The following SNX25 variants were observed in gnomAD, a reference collection of about 807,000 sequenced individuals.
The protein encoded by SNX25 is sorting nexin 25.
In SNX25, 62 loss-of-function variants were observed where a neutral mutation model predicts 113.7. The ratio of observed to expected loss-of-function variants is 0.55; its 90% CI spans 0.44 to 0.67. The LOEUF (loss-of-function observed/expected upper bound fraction) is 0.67, where lower values mean the gene tolerates loss of function less well. SNX25 is among the 30% of genes least tolerant of loss of function. The probability of loss-of-function intolerance (pLI) is 0.00; values close to 1 mark genes in which losing one functional copy is unlikely to be tolerated. For synonymous variants in SNX25, 421 were observed against 436.2 expected, an observed-to-expected ratio of 0.97 and a Z score of 0.43; for missense variants, 1,014 against 1,161.0, an observed-to-expected ratio of 0.87 and a Z score of 1.84.
chr4:185,279,579 G>A (rs531904200), intron 5 of SNX25, among the ~76,000 whole-genome samples: 7 of 152,186 alleles, frequency 4.6e-5, no homozygotes, highest in Middle Eastern at 3.4e-3. Flanking sequence ...AAAATATAGC[G>A]CAAAACCTTG....
chr4:185,309,750 C>G (rs1754985176), intron 6 of SNX25, among the ~76,000 whole-genome samples: 1 of 152,200 alleles, frequency 6.6e-6, no homozygotes. Flanking sequence ...GCTGGTCCTC[C>G]TCCTAGCAGC....
chr4:185,291,115 G>A (rs1352386084), intron 6 of SNX25, among the ~76,000 whole-genome samples: 1 of 152,138 alleles, frequency 6.6e-6, no homozygotes, highest in Non-Finnish European at 1.5e-5. Context: ...CCTCTGTTAC[G>A]TTCTAAATGC....
At chr4:185,367,045 G>A (rs771930067), downstream of SNX25, 3 of 780,204 alleles carry the variant, frequency 3.8e-6, no homozygotes, top group South Asian at 3.7e-5. Context: ...ATTCAAGAAC[G>A]AAGTAACATG....
At chr4:185,238,177 A>G (rs1163126999) in intron 1 of SNX25, among the ~76,000 whole-genome samples, 1 of 151,488 alleles carries the variant, frequency 6.6e-6, no homozygotes, top group Non-Finnish European at 1.5e-5. Flanking sequence ...GATCCCTGAT[A>G]TTATTTATTT....
intron 1 of SNX25, among the ~76,000 whole-genome samples, chr4:185,244,681 T>C (rs1744573747): frequency 6.6e-6 from 1 of 152,248 alleles, no homozygotes; most frequent in Non-Finnish European, 1.5e-5. Context: ...TGATTATGAT[T>C]AAGATTTTTA....
At chr4:185,226,607 C>T (rs1046263348) in intron 1 of SNX25, among the ~76,000 whole-genome samples, 2 of 152,270 alleles carry the variant, frequency 1.3e-5, no homozygotes, top group South Asian at 2.1e-4. Context: ...TGTGCCACCA[C>T]GCCCTGCTAA....
In SNX25 at chr4:185,363,314, G is replaced by A; in HGVS notation, c.2935-71G>A. 7.0e-7 allele frequency: 1 copy of A among 1,429,014 alleles called. No individual in the cohort carries two copies. Among genetic ancestry groups the A allele is most frequent in the Non-Finnish European group, 9.8e-7 (1 of 1,024,562 alleles). The allele number at this position is 1,429,014 out of a possible 1,614,324, so 88.5% of individuals were successfully genotyped here. A position where few individuals can be genotyped will look rare whatever the true frequency, so the allele number is the denominator to read the frequency against. On this transcript the variant is annotated intron_variant, in intron 18 of 18. Transcript: ENST00000652585. This position sits in a 1 kb window ranked among gnomAD's most constrained non-coding sequence, Gnocchi z 4.2. Reference sequence around the variant, plus strand: ...CTAAAATTAGACTTTTCTCTTAGATGCAGATATTTATTTTGAATAAACCCT... The same window carrying A: ...CTAAAATTAGACTTTTCTCTTAGATACAGATATTTATTTTGAATAAACCCT...
At position 185,241,171 on chromosome 4, in the gene SNX25, A is replaced by C. The variant is rs1425044265; in HGVS notation, c.430-6123A>C. On this transcript the variant is annotated intron_variant, in intron 1 of 18. Coordinates refer to ENST00000652585, the MANE Select transcript of SNX25 (RefSeq NM_001378034.2). ...TAGCGAGCCGAGATCACGCCACTGC[A>C]CTCCAGCCTGGGCACCATTGAGCAC... Among the ~76,000 whole-genome samples, 25 of 151,922 alleles carry C rather than the reference A, an allele frequency of 1.6e-4. 1 individual carries two copies. Among genetic ancestry groups the C allele is most frequent in the South Asian group, 4.2e-4 (2 of 4,804 alleles).
At chr4:185,223,568 G>A (rs975891449) in intron 1 of SNX25, among the ~76,000 whole-genome samples, 5 of 151,716 alleles carry the variant, frequency 3.3e-5, no homozygotes, top group Admixed American at 6.6e-5. Flanking sequence ...TTGGGAGGCC[G>A]AGAAGGGTAG....
At chr4:185,330,208 G>A (rs1156463550) in intron 9 of SNX25, among the ~76,000 whole-genome samples, 1 of 152,184 alleles carries the variant, frequency 6.6e-6, no homozygotes, top group Non-Finnish European at 1.5e-5. Flanking sequence ...TCTGTGTGGA[G>A]GAGAAGTTTA....
intron 1 of SNX25, among the ~76,000 whole-genome samples, chr4:185,234,274 A>C (rs1036637051): frequency 1.3e-5 from 2 of 152,338 alleles, no homozygotes; most frequent in East Asian, 3.9e-4. Flanking sequence ...TCACCAGGAA[A>C]CATTACGAAA....
Position 185,264,457 on chromosome 4 carries a change from C to T in SNX25, c.751C>T (p.Pro251Ser), listed in dbSNP as rs1560948325. ...ATTTAGACATGAAGAACAGCCAAGACCTTTTGTGTTGCACGCATGCTTGAG... is the reference window on the plus strand; with the variant it reads ...ATTTAGACATGAAGAACAGCCAAGATCTTTTGTGTTGCACGCATGCTTGAG... ...ANARHEEQPR[P>S]FVLHACLRNS... The change falls in exon 4 of 19, where the codon CCT (proline) becomes TCT (serine). Residue 251 changes from proline (P) to serine (S), a missense_variant. Transcript: ENST00000652585. 6.2e-7 allele frequency: 1 copy of T among 1,613,162 alleles called. No homozygotes were observed. The highest frequency in any genetic ancestry group is 8.5e-7 in the Non-Finnish European group (1 of 1,179,878).
chr4:185,361,476 G>T (rs1439740283), intron 16 of SNX25, among the ~76,000 whole-genome samples: 1 of 152,214 alleles, frequency 6.6e-6, no homozygotes, highest in Non-Finnish European at 1.5e-5. Context: ...GGTAGCTCAT[G>T]CCTCTAATCC....
chr4:185,374,440 T>A, downstream of SNX25: 12 of 1,613,992 alleles, frequency 7.4e-6, no homozygotes, highest in Non-Finnish European at 1.0e-5. Flanking sequence ...AGAATTTTCT[T>A]CATATAGTCC....
Position 185,332,659 on chromosome 4 carries a change from C to A in SNX25, c.1814C>A (p.Ala605Asp), listed in dbSNP as rs2095204260. Reference protein sequence around the residue: ...DDGTNQINEQASFAVNKLREL... With the variant: ...DDGTNQINEQDSFAVNKLREL... ...GGTACCAATCAGATCAATGAACAAG[C>A]CAGTTTTGCTGTAAACAAACTGCGA... Residue 605 changes from alanine (A) to aspartate (D), a missense_variant, in exon 10 of 19, where the codon GCC becomes GAC. By Grantham distance (126) the Ala-to-Asp change is moderately radical. Transcript: ENST00000652585. 3 of 1,613,914 alleles carry A rather than the reference C, an allele frequency of 1.9e-6. No individual in the cohort carries two copies. The highest frequency in any genetic ancestry group is 2.5e-6 in the Non-Finnish European group (3 of 1,179,976).
intron 13 of SNX25, among the ~76,000 whole-genome samples, chr4:185,347,438 TTGG>T (rs1472110783): frequency 6.6e-6 from 1 of 151,886 alleles, no homozygotes; most frequent in Non-Finnish European, 1.5e-5. Context: ...TTTGGGGGGT[TTGG>T]TGTTTTTTTT....
In SNX25 at chr4:185,363,540, G is replaced by A; in HGVS notation, c.*75G>A. The stretch of plus-strand genomic sequence containing the variant: ...AAACATTTTCCTCTTTTCCACAGAG[G>A]GCTTAACTGAGAACCGTATTGATTT... On this transcript the variant is annotated 3_prime_UTR_variant, in exon 19 of 19. Coordinates refer to ENST00000652585, the MANE Select transcript of SNX25 (RefSeq NM_001378034.2). This position sits in a 1 kb window ranked among gnomAD's most constrained non-coding sequence, Gnocchi z 4.2. 2.2e-6 allele frequency: 3 copies of A among 1,376,022 alleles called. No homozygotes were observed. In the South Asian group the frequency reaches 3.5e-5, roughly 16 times the overall value. 85.2% of individuals were successfully genotyped at this position (1,376,022 alleles called of 1,614,324 possible). A position where few individuals can be genotyped will look rare whatever the true frequency, so the allele number is the denominator to read the frequency against.
At chr4:185,257,541 G>A (rs188666904) in intron 2 of SNX25, among the ~76,000 whole-genome samples, 18 of 152,248 alleles carry the variant, frequency 1.2e-4, no homozygotes, top group African/African-American at 4.3e-4. Context: ...TTTCAAAAAC[G>A]TGAGTTTTAA....
intron 5 of SNX25, among the ~76,000 whole-genome samples, chr4:185,282,311 G>A (rs889587731): frequency 1.3e-5 from 2 of 152,002 alleles, no homozygotes; most frequent in Admixed American, 1.3e-4. Context: ...GCAGGCACCC[G>A]CCACCATGTC....
Sources: gnomAD v4.1 joint callset for allele counts (sites outside exome capture counted in the v4.1 genomes callset) on GRCh38, gnomAD v4.1.1 for gene constraint, Gnocchi (gnomAD v3.1) non-coding constraint, MANE v1.5 for transcripts, NCBI Gene and HGNC (gene_info 2026-07-23, HGNC 2026-07-21) for gene names.